SCN11A: variants seen among roughly 807,000 people sequenced by gnomAD.
SCN11A encodes the protein sodium channel protein type 11 subunit alpha.
SCN11A carries 122 observed loss-of-function variants against 162.2 expected under a neutral mutation model. The observed-to-expected ratio is 0.75, with a 90% CI of 0.65 to 0.87. The LOEUF is 0.87. SCN11A is among the 40% of genes least tolerant of loss of function. SCN11A has a pLI of 0.00. For missense variants in SCN11A, 2,015 were observed against 2,181.6 expected, an observed-to-expected ratio of 0.92 and a Z score of 1.52; for synonymous variants, 758 against 751.5, an observed-to-expected ratio of 1.01 and a Z score of -0.14.
chr3:38,951,702 TG>T (rs1473532507), intron 4 of SCN11A, among the ~76,000 whole-genome samples: 1 of 152,188 alleles, frequency 6.6e-6, no homozygotes, highest in Non-Finnish European at 1.5e-5. Context: ...GCTCAGGGTT[TG>T]TGAGTGCACC....
In SCN11A at chr3:38,925,503, C is replaced by T. The variant is rs575973845; in HGVS notation, c.624G>A (p.Val208=). 1 of 1,609,000 alleles carries T rather than the reference C, an allele frequency of 6.2e-7. No individual in the cohort carries two copies. Among genetic ancestry groups the T allele is most frequent in the South Asian group, 1.1e-5 (1 of 90,970 alleles). The stretch of plus-strand genomic sequence containing the variant: ...TGATGGTGATTCCTGGAATATATGA[C>T]ACAATCCTACAAGACAAAGCACAGG... ...LDSIVIGIAI[V]SYIPGITIKL... Residue 208 remains valine (V), a synonymous_variant, in exon 9 of 30, where the codon GTG becomes GTA. Transcript: ENST00000302328.
At chr3:38,905,393 G>T in intron 14 of SCN11A, 72 bp from the exon 15 acceptor site, 3 of 1,528,810 alleles carry the variant, frequency 2.0e-6, no homozygotes, top group Non-Finnish European at 2.7e-6. Context: ...AAACTACTTT[G>T]TTCCAATGCT....
At position 38,950,232 on chromosome 3, in the gene SCN11A, G is replaced by C; in HGVS notation, c.131C>G (p.Thr44Arg). 1 of 1,614,030 alleles carries C rather than the reference G, an allele frequency of 6.2e-7. No homozygotes were observed. Among genetic ancestry groups the C allele is most frequent in the South Asian group, 1.1e-5 (1 of 91,076 alleles). ...AGGCCGAGGCTGGGGTACTTCTCCT[G>C]TCTGGTCTTTAGACTTCTTTTTCTC... is the stretch of plus-strand genomic sequence containing the variant. Reference protein sequence around the residue: ...QKEKKKSKDQTGEVPQPRPQL... With the variant: ...QKEKKKSKDQRGEVPQPRPQL... Residue 44 changes from threonine to arginine, a missense_variant, in exon 5 of 30, where the codon ACA (threonine) becomes AGA (arginine). By Grantham distance (71) the Thr-to-Arg change is moderately conservative. Coordinates refer to ENST00000302328, the MANE Select transcript of SCN11A (RefSeq NM_001349253.2).
At position 38,926,735 on chromosome 3, in the gene SCN11A, C is replaced by T. The variant is rs138928857; in HGVS notation, c.617+68G>A. 1.1e-5 allele frequency: 16 copies of T among 1,507,918 alleles called. No homozygotes were observed. The South Asian group carries it at 1.3e-4, about 12-fold the overall frequency. 93.4% of individuals were successfully genotyped at this position (1,507,918 alleles called of 1,614,324 possible). On this transcript the variant is annotated intron_variant, in intron 8 of 29. Transcript: ENST00000302328. ...GCCACTCAAATGGATCCACACAGAG[C>T]TCTGATGGAAGCAAAGGGGCTTCTT...
At chr3:38,942,729 T>C (rs143847983) in intron 7 of SCN11A, among the ~76,000 whole-genome samples, 15 of 152,276 alleles carry the variant, frequency 9.9e-5, no homozygotes, top group African/African-American at 3.6e-4. Flanking sequence ...CATAGCTTTA[T>C]ACAATTGTAT....
intron 11 of SCN11A, among the ~76,000 whole-genome samples, chr3:38,913,096 TCTA>T (rs2065908820): frequency 6.6e-6 from 1 of 152,188 alleles, no homozygotes; most frequent in Non-Finnish European, 1.5e-5. Context: ...AATTTACACT[TCTA>T]CTAACAGTGT....
intron 2 of SCN11A, among the ~76,000 whole-genome samples, chr3:38,962,132 C>G (rs2066745399): frequency 6.6e-6 from 1 of 152,138 alleles, no homozygotes; most frequent in South Asian, 2.1e-4. Context: ...CTGTCCTTTC[C>G]CCACTTTATG....
chr3:38,950,460 G>A lies in SCN11A; in HGVS notation c.-7-91C>T, dbSNP rs2066596032. 6 of 1,332,152 alleles carry A rather than the reference G, an allele frequency of 4.5e-6. No individual in the cohort carries two copies. In the South Asian group the frequency reaches 5.2e-5, roughly 12 times the overall value. 82.5% of individuals were successfully genotyped at this position (1,332,152 alleles called of 1,614,324 possible). ...CCTAGGATTCCAGTCTTAAAGGATG[G>A]TGTCATAAGGATCTACAAAAGCTGA... On this transcript the variant is annotated intron_variant, in intron 4 of 29. Coordinates refer to ENST00000302328, the MANE Select transcript of SCN11A (RefSeq NM_001349253.2).
At position 39,023,594 on chromosome 3, in the gene SCN11A, T is replaced by C. The variant is rs367822307; in HGVS notation, c.-280+8786A>G. On this transcript the variant is annotated intron_variant, in intron 2 of 29. Transcript: ENST00000302328. The stretch of plus-strand genomic sequence containing the variant: ...AGCAAAGAAAAAATCAAGCAGAATA[T>C]AAAGGTAGATGATGAAAAATAGACT... Among the ~76,000 whole-genome samples, 7 of 151,742 alleles carry C rather than the reference T, an allele frequency of 4.6e-5. No individual in the cohort carries two copies. In the South Asian group the frequency reaches 1.5e-3, roughly 32 times the overall value.
At chr3:39,014,931 T>C (rs924731984) in intron 2 of SCN11A, among the ~76,000 whole-genome samples, 2 of 152,192 alleles carry the variant, frequency 1.3e-5, no homozygotes, top group African/African-American at 4.8e-5. Flanking sequence ...TGTTGGCATA[T>C]TGTGCACTCA....
chr3:38,990,124 G>C (rs2030405928), intron 2 of SCN11A, among the ~76,000 whole-genome samples: 1 of 152,174 alleles, frequency 6.6e-6, no homozygotes, highest in South Asian at 2.1e-4. Flanking sequence ...TGCCCTTAGG[G>C]CCCTGGTGCT....
In SCN11A at chr3:38,926,892, A is replaced by C. The variant is rs776921099; in HGVS notation, c.528T>G (p.Ile176Met). Residue 176 changes from isoleucine to methionine, a missense_variant, in exon 8 of 30, where the codon ATT becomes ATG. Physicochemically the swap from Ile to Met is conservative, Grantham distance 10. Coordinates refer to ENST00000302328, the MANE Select transcript of SCN11A (RefSeq NM_001349253.2). ...GAATGAAACCTCTTGCCAATATTTTAATCAAAGCTTCAAAAATATAAATCC... is the reference window on the plus strand; with the variant it reads ...GAATGAAACCTCTTGCCAATATTTTCATCAAAGCTTCAAAAATATAAATCC... ...FTGIYIFEAL[I>M]KILARGFILD... The C allele has an allele frequency of 6.2e-7, 1 of 1,613,074 alleles. No homozygotes were observed. Among genetic ancestry groups the C allele is most frequent in the South Asian group, 1.1e-5 (1 of 91,038 alleles).
At chr3:39,043,483 CA>C (rs34032181) in intron 1 of SCN11A, among the ~76,000 whole-genome samples, 20,054 of 105,142 alleles carry the variant, frequency 0.19, 1,310 homozygotes, top group East Asian at 0.37. Context: ...ACTATACAGC[CA>C]AAAAAAAAAA....
chr3:38,848,072 C>T (rs2064705851), intron 29 of SCN11A, among the ~76,000 whole-genome samples: 1 of 152,154 alleles, frequency 6.6e-6, no homozygotes, highest in South Asian at 2.1e-4. Flanking sequence ...GGAATGCTCA[C>T]CTTTAGGCTG....
intron 2 of SCN11A, among the ~76,000 whole-genome samples, chr3:38,979,353 T>G (rs2029916159): frequency 6.6e-6 from 1 of 152,242 alleles, no homozygotes. Flanking sequence ...GTGTGAGAGA[T>G]ATTGTAAGCT....
At chr3:38,884,484 C>A (rs1393404767) in intron 21 of SCN11A, among the ~76,000 whole-genome samples, 1 of 152,176 alleles carries the variant, frequency 6.6e-6, no homozygotes, top group South Asian at 2.1e-4. Context: ...TAGATTCATT[C>A]ATTAATTTGT....
At chr3:38,902,658 C>T (rs2065720985) in intron 16 of SCN11A, among the ~76,000 whole-genome samples, 1 of 152,040 alleles carries the variant, frequency 6.6e-6, no homozygotes, top group East Asian at 1.9e-4. Flanking sequence ...GTTGGGACTA[C>T]AGGCGCCTGC....
intron 1 of SCN11A, among the ~76,000 whole-genome samples, chr3:39,047,864 A>C (rs1167016654): frequency 6.6e-6 from 1 of 152,226 alleles, no homozygotes; most frequent in Non-Finnish European, 1.5e-5. Flanking sequence ...TATACGAAAA[A>C]GACAAAAACA....
At chr3:39,051,690 C>A (rs1391925715) in intron 1 of SCN11A, among the ~76,000 whole-genome samples, 171 bp downstream of exon 1, 1 of 152,126 alleles carries the variant, frequency 6.6e-6, no homozygotes, top group Non-Finnish European at 1.5e-5. Context: ...ACTGTTAATT[C>A]TTTCAGTGCT....
Sources: allele counts gnomAD v4.1 joint callset (sites outside exome capture counted in the v4.1 genomes callset), GRCh38; gene constraint gnomAD v4.1.1; transcripts MANE v1.5; gene names NCBI Gene and HGNC (gene_info 2026-07-23, HGNC 2026-07-21).